METTL15: variants seen among roughly 807,000 people sequenced by gnomAD.
METTL15 encodes methyltransferase 15, mitochondrial 12S rRNA N4-cytidine.
A neutral mutation model predicts 38.3 loss-of-function variants in METTL15; 34 were observed. The ratio of observed to expected loss-of-function variants is 0.89; its 90% CI spans 0.68 to 1.18. The LOEUF is 1.18. METTL15 is among the 50% of genes most tolerant of loss of function. The probability of loss-of-function intolerance (pLI) is 0.00; values close to 1 mark genes in which losing one functional copy is unlikely to be tolerated. For synonymous variants in METTL15, 162 were observed against 170.9 expected (o/e 0.95, Z 0.41); for missense variants, 438 against 498.4 (o/e 0.88, Z 1.15).
intron 5 of METTL15, among the ~76,000 whole-genome samples, chr11:28,395,696 A>G (rs1027938205): frequency 2.6e-5 from 4 of 152,182 alleles, no homozygotes; most frequent in African/African-American, 9.7e-5. Flanking sequence ...ATTCCTTCTG[A>G]AACTATTCCA....
At chr11:28,206,571 G>A (rs75141771) in intron 3 of METTL15, among the ~76,000 whole-genome samples, 27,633 of 148,626 alleles carry the variant, frequency 0.19, 2,666 homozygotes, top group Non-Finnish European at 0.24. Flanking sequence ...TTTTGCCTTA[G>A]GATTGTCTTG....
At chr11:28,117,443 G>C (rs1852025150) in intron 3 of METTL15, among the ~76,000 whole-genome samples, 1 of 151,906 alleles carries the variant, frequency 6.6e-6, no homozygotes, top group Admixed American at 6.6e-5. Flanking sequence ...CTAAGCCATG[G>C]AGTAGAAAAA....
In METTL15 at chr11:28,113,578, C is replaced by T. The variant is rs779270790; in HGVS notation, c.244C>T (p.His82Tyr). 6.2e-7 allele frequency: 1 copy of T among 1,610,618 alleles called. No homozygotes were observed. Among genetic ancestry groups the T allele is most frequent in the Non-Finnish European group, 8.5e-7 (1 of 1,178,360 alleles). The change falls in exon 3 of 7, where the codon CAT becomes TAT. Residue 82 changes from histidine to tyrosine, a missense_variant. Transcript: ENST00000407364. The stretch of plus-strand genomic sequence containing the variant: ...TCCAGTAATGGTGGATGAAGTTGTT[C>T]ATTGTTTGTCACCACAAAAAGGACA... ...HIPVMVDEVV[H>Y]CLSPQKGQIF... is the part of the protein sequence containing the mutation.
intron 6 of METTL15, among the ~76,000 whole-genome samples, chr11:28,501,141 A>G (rs1486969754): frequency 6.6e-6 from 1 of 152,206 alleles, no homozygotes; most frequent in African/African-American, 2.4e-5. Context: ...AGACAGCAAG[A>G]GCAGAGTGGT....
chr11:28,204,688 T>C (rs1035397901), intron 3 of METTL15, among the ~76,000 whole-genome samples: 2 of 151,974 alleles, frequency 1.3e-5, no homozygotes, highest in African/African-American at 4.8e-5. Flanking sequence ...TCTTAGTTTG[T>C]AAAATGTGTA....
chr11:28,392,591 A>G (rs1489930938), intron 5 of METTL15, among the ~76,000 whole-genome samples: 1 of 152,112 alleles, frequency 6.6e-6, no homozygotes, highest in Non-Finnish European at 1.5e-5. Flanking sequence ...ATGATATTGG[A>G]TTTTGCAGTG....
intron 6 of METTL15, among the ~76,000 whole-genome samples, chr11:28,311,385 C>T (rs1263861416): frequency 6.6e-6 from 1 of 152,106 alleles, no homozygotes; most frequent in Non-Finnish European, 1.5e-5. Flanking sequence ...TTAGATCGTG[C>T]CCTGAACGTT....
chr11:28,204,954 T>A (rs1852262107), intron 3 of METTL15, among the ~76,000 whole-genome samples: 1 of 152,022 alleles, frequency 6.6e-6, no homozygotes, highest in African/African-American at 2.4e-5. Context: ...GTTCCATGTG[T>A]CTTTGGAGCA....
intron 5 of METTL15, among the ~76,000 whole-genome samples, chr11:28,368,375 T>C (rs1367263569): frequency 6.6e-6 from 1 of 152,044 alleles, no homozygotes; most frequent in Non-Finnish European, 1.5e-5. Flanking sequence ...AGAAGACATT[T>C]ATGCAGCCAA....
At chr11:28,447,403 A>G (rs1211620329) in intron 6 of METTL15, among the ~76,000 whole-genome samples, 1 of 152,202 alleles carries the variant, frequency 6.6e-6, no homozygotes, top group Admixed American at 6.5e-5. Context: ...TTCTGATAGC[A>G]TTAAGACAGT....
At chr11:28,491,911 C>T (rs1436725503) in intron 6 of METTL15, among the ~76,000 whole-genome samples, 1 of 152,140 alleles carries the variant, frequency 6.6e-6, no homozygotes, top group Non-Finnish European at 1.5e-5. Flanking sequence ...CCCCGATAAT[C>T]TACCTTAGTT....
chr11:28,242,447 G>T (rs1854340394), intron 4 of METTL15, among the ~76,000 whole-genome samples: 1 of 152,080 alleles, frequency 6.6e-6, no homozygotes, highest in African/African-American at 2.4e-5. Context: ...ATTCTAAATA[G>T]TAAAATTCAG....
chr11:28,321,038 T>A (rs1443732295), intron 6 of METTL15, among the ~76,000 whole-genome samples: 2 of 152,176 alleles, frequency 1.3e-5, no homozygotes, highest in Non-Finnish European at 2.9e-5. Context: ...TCAATAGCCC[T>A]TTATCTTACC....
At chr11:28,189,057 C>A (rs1398652012) in intron 3 of METTL15, among the ~76,000 whole-genome samples, 1 of 151,202 alleles carries the variant, frequency 6.6e-6, no homozygotes, top group Non-Finnish European at 1.5e-5. Context: ...TTCTAGAACA[C>A]ATTTGAACTT....
rs199731626 is a variant in METTL15 at position 28,259,093 on chromosome 11, A to G, written c.408-31113A>G. Among the ~76,000 whole-genome samples, 5 of 152,044 alleles carry G rather than the reference A, an allele frequency of 3.3e-5. No individual in the cohort carries two copies. The East Asian group carries it at 5.8e-4, about 18-fold the overall frequency. On this transcript the variant is annotated intron_variant, in intron 4 of 6. Coordinates refer to ENST00000407364, the MANE Select transcript of METTL15 (RefSeq NM_001113528.2). ...ACCAGTGGCTCTCCAGTTAACAGGT[A>G]TGATGAGTCCTGCCATGACTGGGTC...
At chr11:28,367,203 A>AG in intron 5 of METTL15, among the ~76,000 whole-genome samples, 1 of 49,760 alleles carries the variant, frequency 2.0e-5, no homozygotes, top group South Asian at 5.4e-4. Flanking sequence ...AGCCACTGAG[A>AG]AAAAAAAAAA....
chr11:28,144,204 G>A (rs1849801251), intron 3 of METTL15, among the ~76,000 whole-genome samples: 1 of 152,050 alleles, frequency 6.6e-6, no homozygotes, highest in African/African-American at 2.4e-5. Context: ...TTTCATATGT[G>A]TATGTCAATA....
chr11:28,178,977 C>T (rs1168750613), intron 3 of METTL15, among the ~76,000 whole-genome samples: 1 of 151,732 alleles, frequency 6.6e-6, no homozygotes, highest in African/African-American at 2.4e-5. Context: ...GATTGATACT[C>T]ACTTGTATTT....
At chr11:28,185,060 T>A (rs1305275551) in intron 3 of METTL15, among the ~76,000 whole-genome samples, 2 of 151,530 alleles carry the variant, frequency 1.3e-5, no homozygotes, top group Non-Finnish European at 3.0e-5. Context: ...TTTTAAAAAT[T>A]ATAAGGTTAC....
Sources: allele counts gnomAD v4.1 joint callset (sites outside exome capture counted in the v4.1 genomes callset), GRCh38; gene constraint gnomAD v4.1.1; transcripts MANE v1.5; gene names NCBI Gene and HGNC (gene_info 2026-07-23, HGNC 2026-07-21).